The following INTS8 variants were observed in gnomAD, a reference collection of about 807,000 sequenced individuals.
INTS8 encodes the protein protein kaonashi-1.
In INTS8, 47 loss-of-function variants were observed where a neutral mutation model predicts 138.9. The observed-to-expected ratio is 0.34, with a 90% CI of 0.27 to 0.43. The LOEUF (loss-of-function observed/expected upper bound fraction) is 0.43, where lower values mean the gene tolerates loss of function less well. Among genes scored for constraint, INTS8 ranks in the 20% least tolerant of loss-of-function variants. INTS8 has a pLI of 1.00. For missense variants in INTS8, 996 were observed against 1,173.0 expected, an observed-to-expected ratio of 0.85 and a Z score of 2.20; for synonymous variants, 392 against 400.9, an observed-to-expected ratio of 0.98 and a Z score of 0.27.
At chr8:94,829,608 T>G (rs1450192091) in intron 5 of INTS8, among the ~76,000 whole-genome samples, 1 of 152,168 alleles carries the variant, frequency 6.6e-6, no homozygotes, top group Non-Finnish European at 1.5e-5. Flanking sequence ...ACCCCTGCCT[T>G]TATACCATTT....
At position 94,844,404 on chromosome 8, in the gene INTS8, C is replaced by T. The variant is rs1454448970; in HGVS notation, c.1260+1916C>T. 5.3e-5 allele frequency among the ~76,000 whole-genome samples: 8 copies of T among 152,148 alleles called. No homozygotes were observed. In the South Asian group the frequency reaches 1.4e-3, roughly 28 times the overall value. On this transcript the variant is annotated intron_variant, in intron 10 of 26. Coordinates refer to ENST00000523731, the MANE Select transcript of INTS8 (RefSeq NM_017864.4). Reference sequence around the variant, plus strand: ...CAATTTCAGCTCACTGCAACCTCCACCTCCCAGTTTCAAGTGATTCTCCGG... The same window carrying T: ...CAATTTCAGCTCACTGCAACCTCCATCTCCCAGTTTCAAGTGATTCTCCGG...
At chr8:94,850,120 G>A in intron 12 of INTS8, 29 bp downstream of exon 12, 1 of 1,523,818 alleles carries the variant, frequency 6.6e-7, no homozygotes, top group Middle Eastern at 1.7e-4. Flanking sequence ...CAGCCAAAAT[G>A]TTGGCATGTT....
chr8:94,828,910 G>A (rs2130993640), intron 4 of INTS8, 65 bp from the exon 5 acceptor site: 2 of 1,021,468 alleles, frequency 2.0e-6, no homozygotes, highest in South Asian at 2.7e-5. Context: ...ATGCTCTTAA[G>A]TTTTGAATTT....
At chr8:94,856,692 CT>C in intron 14 of INTS8, 84 bp from the exon 15 acceptor site, 1 of 1,054,514 alleles carries the variant, frequency 9.5e-7, no homozygotes. Context: ...AATAATCCTT[CT>C]CCTCTTTGCT....
chr8:94,849,332 T>A, intron 10 of INTS8, 130 bp from the exon 11 acceptor site: 1 of 631,794 alleles, frequency 1.6e-6, no homozygotes, highest in East Asian at 2.8e-5. Flanking sequence ...GTTAAGTTAC[T>A]TAACTAAATC....
intron 8 of INTS8, among the ~76,000 whole-genome samples, chr8:94,840,091 T>A (rs1815077888): frequency 6.6e-6 from 1 of 152,232 alleles, no homozygotes; most frequent in Non-Finnish European, 1.5e-5. Flanking sequence ...TGAGATTCAT[T>A]ACTTATACAT....
At chr8:94,836,117 G>T (rs753413282) in intron 6 of INTS8, among the ~76,000 whole-genome samples, 7 of 152,138 alleles carry the variant, frequency 4.6e-5, no homozygotes, top group Non-Finnish European at 1.0e-4. Flanking sequence ...AGTTTCCGGG[G>T]ACAGCACTTG....
At chr8:94,870,331 G>A (rs940813918) in intron 20 of INTS8, among the ~76,000 whole-genome samples, 6 of 152,148 alleles carry the variant, frequency 3.9e-5, no homozygotes, top group Non-Finnish European at 7.3e-5. Flanking sequence ...TATTACAGGC[G>A]TGAGCCACCG....
Position 94,859,511 on chromosome 8 carries a change from A to G in INTS8, c.1955A>G (p.Asp652Gly). The change falls in exon 16 of 27, where the codon GAT becomes GGT. Residue 652 changes from aspartate to glycine, a missense_variant and splice_region_variant. Transcript: ENST00000523731. The stretch of plus-strand genomic sequence containing the variant: ...AACTGTTTTCTTCTTTGCTTTTTAG[A>G]TATTCCTCTTCGTCAAGTTATAGCT... ...VRGYLEMRLP[D>G]IPLRQVIAEE... 1 of 1,612,316 alleles carries G rather than the reference A, an allele frequency of 6.2e-7. No individual in the cohort carries two copies.
intron 15 of INTS8, 151 bp downstream of exon 15, chr8:94,857,129 A>G: frequency 1.6e-6 from 1 of 636,902 alleles, no homozygotes; most frequent in East Asian, 2.8e-5. Flanking sequence ...CTGGAGTGTA[A>G]TGGCGCGATC....
chr8:94,858,114 T>C (rs1252100928), intron 15 of INTS8, among the ~76,000 whole-genome samples: 1 of 152,238 alleles, frequency 6.6e-6, no homozygotes, highest in East Asian at 1.9e-4. Context: ...CTACGACACA[T>C]AAATCTTTCT....
At chr8:94,871,078 C>T (rs975938187) in intron 20 of INTS8, among the ~76,000 whole-genome samples, 1 of 152,122 alleles carries the variant, frequency 6.6e-6, no homozygotes, top group Non-Finnish European at 1.5e-5. Context: ...GTAACTCTTG[C>T]AAGAAGGCTT....
intron 26 of INTS8, among the ~76,000 whole-genome samples, chr8:94,878,415 G>C (rs1021627906): frequency 1.3e-5 from 2 of 152,170 alleles, no homozygotes; most frequent in Admixed American, 6.5e-5. Context: ...TCTTGGGAAT[G>C]GTGACCTTGT....
chr8:94,831,507 AG>A (rs1237605668), intron 5 of INTS8, among the ~76,000 whole-genome samples: 1 of 102,886 alleles, frequency 9.7e-6, no homozygotes, highest in African/African-American at 3.8e-5. Context: ...TTTGAGATGG[AG>A]TTTCGCTCTG....
intron 13 of INTS8, among the ~76,000 whole-genome samples, chr8:94,852,745 A>G (rs948539768): frequency 1.3e-5 from 2 of 151,708 alleles, no homozygotes; most frequent in Non-Finnish European, 2.9e-5. Context: ...TGCCCCCACC[A>G]TGCCTGATGA....
intron 16 of INTS8, chr8:94,864,684 G>T (rs1339764799): frequency 3.3e-5 from 5 of 152,136 alleles, no homozygotes; most frequent in African/African-American, 1.2e-4. Flanking sequence ...TTCCAGCCTG[G>T]GTGCAGAGCA....
At chr8:94,865,818 A>G (rs1489656178) in intron 17 of INTS8, 128 bp downstream of exon 17, 6 of 884,782 alleles carry the variant, frequency 6.8e-6, no homozygotes, top group East Asian at 2.6e-5. Context: ...AAGTTGGACA[A>G]TCTTACGAGT....
intron 8 of INTS8, among the ~76,000 whole-genome samples, chr8:94,840,317 A>G (rs781436822): frequency 4.6e-5 from 7 of 152,130 alleles, no homozygotes; most frequent in Non-Finnish European, 1.0e-4. Context: ...TTTTGAAACC[A>G]CTTATGTCAG....
intron 14 of INTS8, 31 bp from the exon 15 acceptor site, chr8:94,856,746 G>GT (rs1266849130): frequency 6.3e-7 from 1 of 1,597,972 alleles, no homozygotes; most frequent in Admixed American, 1.7e-5. Context: ...CAAAGGAAAG[G>GT]TGACCCAGGC....
Sources: gnomAD v4.1 joint callset for allele counts (sites outside exome capture counted in the v4.1 genomes callset) on GRCh38, gnomAD v4.1.1 for gene constraint, MANE v1.5 for transcripts, NCBI Gene and HGNC (gene_info 2026-07-23, HGNC 2026-07-21) for gene names.